SVEP1: variants seen among roughly 807,000 people sequenced by gnomAD.
SVEP1 encodes sushi, von Willebrand factor type A, EGF and pentraxin domain-containing protein 1.
A neutral mutation model predicts 367.3 loss-of-function variants in SVEP1; 164 were observed. The ratio of observed to expected loss-of-function variants is 0.45; its 90% confidence interval spans 0.39 to 0.51. The LOEUF is 0.51. SVEP1 is among the 20% of genes least tolerant of loss of function. The pLI is 0.00. For synonymous variants in SVEP1, 1,666 were observed against 1,611.6 expected (o/e 1.03, Z -0.81); for missense variants, 4,117 against 4,425.3 (o/e 0.93, Z 1.98).
At chr9:110,494,454 C>T (rs1054419355) in intron 8 of SVEP1, among the ~76,000 whole-genome samples, 1 of 152,118 alleles carries the variant, frequency 6.6e-6, no homozygotes, top group Non-Finnish European at 1.5e-5. Context: ...ATTGGTATAC[C>T]CTAGAGCAAC....
Position 110,455,698 on chromosome 9 carries a change from T to G in SVEP1, c.3679A>C (p.Lys1227Gln), listed in dbSNP as rs1351117747. Residue 1227 changes from lysine (K) to glutamine (Q), a missense_variant, in exon 22 of 48, where the codon AAG becomes CAG. By Grantham distance (53) the Lys-to-Gln change is moderately conservative. Around this residue, in one of 4 missense-constraint regions of SVEP1, gnomAD observed 2,174 missense variants for 2,494.3 expected, o/e 0.87. Coordinates refer to ENST00000374469, the MANE Select transcript of SVEP1 (RefSeq NM_153366.4). The part of the protein sequence containing the change: ...CLCPLGYTGL[K>Q]CETDIDECSP... Reference sequence around the variant, plus strand: ...CACTCATCGATGTCTGTTTCACACTTTAAGCCTACAATGTAAACCAAATGC... The same window carrying G: ...CACTCATCGATGTCTGTTTCACACTGTAAGCCTACAATGTAAACCAAATGC... The G allele has an allele frequency of 6.2e-7, 1 of 1,610,192 alleles. No homozygotes were observed. Among genetic ancestry groups the G allele is most frequent in the African/African-American group, 1.3e-5 (1 of 74,964 alleles).
chr9:110,394,934 T>C (rs979057526), intron 40 of SVEP1, among the ~76,000 whole-genome samples: 1 of 152,176 alleles, frequency 6.6e-6, no homozygotes, highest in African/African-American at 2.4e-5. Context: ...CTCTGCAGGA[T>C]ATTATCCCGG....
At chr9:110,406,021 C>T in intron 38 of SVEP1, 139 bp downstream of exon 38, 6 of 1,057,006 alleles carry the variant, frequency 5.7e-6, no homozygotes, top group Non-Finnish European at 7.6e-6. Context: ...TAGAATAAAG[C>T]CAAGTGTTAA....
intron 36 of SVEP1, among the ~76,000 whole-genome samples, chr9:110,426,199 T>G (rs887698570): frequency 6.6e-6 from 1 of 152,186 alleles, no homozygotes; most frequent in African/African-American, 2.4e-5. Flanking sequence ...TGGGCTTCAG[T>G]TATTTATGCA....
chr9:110,442,381 G>C (rs1342700392), intron 27 of SVEP1: 1 of 152,014 alleles, frequency 6.6e-6, no homozygotes, highest in East Asian at 1.9e-4. Flanking sequence ...TTCACAAGTA[G>C]ATCAATTTTG....
chr9:110,481,959 C>T (rs975426442), intron 11 of SVEP1, among the ~76,000 whole-genome samples: 12 of 152,246 alleles, frequency 7.9e-5, no homozygotes, highest in African/African-American at 1.9e-4. Flanking sequence ...GTGATCCACC[C>T]GCCTCGGCCT....
At chr9:110,403,872 A>G (rs1369533934) in intron 39 of SVEP1, among the ~76,000 whole-genome samples, 1 of 147,550 alleles carries the variant, frequency 6.8e-6, no homozygotes, top group Non-Finnish European at 1.5e-5. Flanking sequence ...TTTTTTTTAC[A>G]AATAAGGAAA....
chr9:110,385,316 G>C (rs1309270880), intron 43 of SVEP1, among the ~76,000 whole-genome samples: 2 of 152,288 alleles, frequency 1.3e-5, no homozygotes, highest in East Asian at 1.9e-4. Context: ...TAAAAAGTGT[G>C]CGTTAAAAAA....
chr9:110,528,156 G>GTGTGTGTGTGTA, intron 3 of SVEP1, among the ~76,000 whole-genome samples: 34 of 33,946 alleles, frequency 1.0e-3, no homozygotes, highest in Non-Finnish European at 1.7e-3. Flanking sequence ...GTGTGTGTGT[G>GTGTGTGTGTGTA]TATATATATA....
chr9:110,545,360 C>T (rs1830206701), intron 3 of SVEP1, among the ~76,000 whole-genome samples: 1 of 152,148 alleles, frequency 6.6e-6, no homozygotes, highest in African/African-American at 2.4e-5. Flanking sequence ...TCCATAATGG[C>T]TATGCTAATT....
chr9:110,460,044 A>C (rs1438899211), intron 18 of SVEP1, among the ~76,000 whole-genome samples: 2 of 152,104 alleles, frequency 1.3e-5, no homozygotes, highest in Non-Finnish European at 2.9e-5. Context: ...CTCCTTATTT[A>C]ATACTACAAT....
Position 110,513,108 on chromosome 9 carries a change from A to G in SVEP1, c.1124-3T>C. 1 of 1,593,154 alleles carries G rather than the reference A, an allele frequency of 6.3e-7. No homozygotes were observed. The highest frequency in any genetic ancestry group is 8.5e-7 in the Non-Finnish European group (1 of 1,170,486). On this transcript the variant is annotated splice_polypyrimidine_tract_variant and splice_region_variant and intron_variant, in intron 4 of 47. Coordinates refer to ENST00000374469, the MANE Select transcript of SVEP1 (RefSeq NM_153366.4). Reference sequence around the variant, plus strand: ...CTTCAGGGCAGGGCAGTGGACAACTAACATTTACAAAAATAAAATTGAAAA... The same window carrying G: ...CTTCAGGGCAGGGCAGTGGACAACTGACATTTACAAAAATAAAATTGAAAA...
intron 36 of SVEP1, among the ~76,000 whole-genome samples, chr9:110,416,050 GA>G (rs540934575): frequency 5.0e-4 from 76 of 151,654 alleles, no homozygotes; most frequent in Non-Finnish European, 8.2e-4. Flanking sequence ...ACACCTGGTA[GA>G]AAAAAAATCT....
At chr9:110,521,534 A>G (rs1435777027) in intron 3 of SVEP1, among the ~76,000 whole-genome samples, 1 of 152,218 alleles carries the variant, frequency 6.6e-6, no homozygotes, top group Non-Finnish European at 1.5e-5. Context: ...TTGCATCAGC[A>G]AAGTAATTTT....
chr9:110,560,828 C>G (rs1375847217), intron 1 of SVEP1, among the ~76,000 whole-genome samples: 2 of 152,152 alleles, frequency 1.3e-5, no homozygotes, highest in African/African-American at 4.8e-5. Context: ...ATCGCCCCAG[C>G]CATGGTTCAG....
At chr9:110,474,997 A>G (rs553090867) in intron 14 of SVEP1, among the ~76,000 whole-genome samples, 1 of 150,834 alleles carries the variant, frequency 6.6e-6, no homozygotes, top group African/African-American at 2.4e-5. Context: ...GTATATATAC[A>G]GTATATATAG....
intron 20 of SVEP1, 129 bp from the exon 21 acceptor site, chr9:110,457,481 T>C (rs1215230603): frequency 5.7e-6 from 4 of 700,818 alleles, no homozygotes; most frequent in Non-Finnish European, 9.8e-6. Flanking sequence ...TCACTCAAGC[T>C]AGGTGGCTTG....
At chr9:110,511,404 G>C (rs1829708981) in intron 5 of SVEP1, among the ~76,000 whole-genome samples, 1 of 135,690 alleles carries the variant, frequency 7.4e-6, no homozygotes, top group South Asian at 2.4e-4. Flanking sequence ...GGATTTTTTT[G>C]ATTGACCTTC....
rs1229745876 is a variant in SVEP1, at chr9:110,375,283, TCTG to T, written c.10600+82_10600+84del. ...AGTACTTTTTCATTTTGCCACCACT[TCTG>T]AGTCTAAGTCACACTCTTCAATGTC... On this transcript the variant is annotated intron_variant, in intron 46 of 47. Coordinates refer to ENST00000374469, the MANE Select transcript of SVEP1 (RefSeq NM_153366.4). The T allele has an allele frequency of 9.8e-5, 66 of 670,450 alleles. 1 individual carries two copies. The highest frequency in any genetic ancestry group is 4.4e-4 in the Middle Eastern group (1 of 2,292). 41.5% of individuals were successfully genotyped at this position (670,450 alleles called of 1,614,324 possible).
Sources: allele counts gnomAD v4.1 joint callset (sites outside exome capture counted in the v4.1 genomes callset), GRCh38; gene constraint gnomAD v4.1.1; regional missense constraint gnomAD v4.1.1; transcripts MANE v1.5; gene names NCBI Gene and HGNC (gene_info 2026-07-23, HGNC 2026-07-21).